Variants in ESRRG observed in about 807,000 individuals in gnomAD.
ESRRG encodes the protein estrogen-related receptor gamma.
ESRRG carries 13 observed loss-of-function variants against 44.0 expected under a neutral mutation model. That is an observed-to-expected ratio of 0.30 (90% CI 0.19 to 0.47). The LOEUF is 0.47. ESRRG is among the 20% of genes least tolerant of loss of function. ESRRG has a pLI of 1.00. For synonymous variants in ESRRG, 215 were observed against 214.6 expected (o/e 1.00, Z -0.02); for missense variants, 395 against 580.6 (o/e 0.68, Z 3.29).
intron 2 of ESRRG, among the ~76,000 whole-genome samples, chr1:216,767,278 C>T (rs1387081783): frequency 1.3e-5 from 2 of 152,006 alleles, no homozygotes; most frequent in South Asian, 2.1e-4. Context: ...AACACACACA[C>T]ACACACGCAA....
chr1:216,723,594 G>A (rs1559414802), upstream of ESRRG: 1 of 411,934 alleles, frequency 2.4e-6, no homozygotes, highest in Non-Finnish European at 4.3e-6. Context: ...GAGGAGCCAG[G>A]CAGGTAGGCA....
At chr1:216,936,639 CA>C (rs1202098817) in intron 2 of ESRRG, 3 of 151,698 alleles carry the variant, frequency 2.0e-5, no homozygotes, top group African/African-American at 7.3e-5. Flanking sequence ...ATTTAGAGAT[CA>C]AATTGTTTTA....
intron 1 of ESRRG, among the ~76,000 whole-genome samples, chr1:217,081,946 AT>A (rs1380598532): frequency 2.0e-5 from 3 of 152,062 alleles, no homozygotes; most frequent in East Asian, 3.9e-4. Flanking sequence ...TACTGAATAC[AT>A]TTTTTTTGTT....
At chr1:216,901,841 T>C (rs1222397792) in intron 2 of ESRRG, among the ~76,000 whole-genome samples, 1 of 152,070 alleles carries the variant, frequency 6.6e-6, no homozygotes, top group Non-Finnish European at 1.5e-5. Flanking sequence ...CTCATTGTAG[T>C]CTCCTGGCTC....
intron 3 of ESRRG, among the ~76,000 whole-genome samples, chr1:216,587,949 A>G (rs1392599834): frequency 1.3e-5 from 2 of 152,208 alleles, no homozygotes; most frequent in African/African-American, 4.8e-5. Context: ...TACATTAAAC[A>G]TCTTGTGAAA....
At chr1:216,557,729 T>C (rs928170990) in intron 5 of ESRRG, among the ~76,000 whole-genome samples, 6 of 152,172 alleles carry the variant, frequency 3.9e-5, no homozygotes, top group African/African-American at 1.2e-4. Context: ...ACCAAATAGA[T>C]TATCACAAAT....
chr1:216,508,408 A>T (rs910686406), intron 6 of ESRRG, among the ~76,000 whole-genome samples: 5 of 152,190 alleles, frequency 3.3e-5, no homozygotes, highest in East Asian at 1.9e-4. Flanking sequence ...TCTTTAAAAA[A>T]TTTTTGAATA....
chr1:217,075,682 C>T (rs1215260839), intron 1 of ESRRG, among the ~76,000 whole-genome samples: 4 of 150,358 alleles, frequency 2.7e-5, no homozygotes, highest in Admixed American at 6.6e-5. Context: ...CATGAGATCA[C>T]AGTATTAACC....
intron 1 of ESRRG, among the ~76,000 whole-genome samples, chr1:217,028,586 A>T (rs1184539426): frequency 1.3e-5 from 2 of 152,162 alleles, no homozygotes; most frequent in African/African-American, 4.8e-5. Context: ...TGTCTTTGGG[A>T]ATAGCACATT....
At chr1:216,826,230 C>A (rs941609873) in intron 2 of ESRRG, among the ~76,000 whole-genome samples, 4 of 149,856 alleles carry the variant, frequency 2.7e-5, no homozygotes, top group Non-Finnish European at 5.9e-5. Flanking sequence ...TAGGGACATA[C>A]GGACGGCATG....
At chr1:216,877,052 T>C (rs1559954791) in intron 2 of ESRRG, among the ~76,000 whole-genome samples, 1 of 149,514 alleles carries the variant, frequency 6.7e-6, no homozygotes, top group Non-Finnish European at 1.5e-5. Context: ...GTAAACAACA[T>C]TACCACAAAA....
At chr1:216,739,030 ATACT>A (rs2090335942) in intron 2 of ESRRG, among the ~76,000 whole-genome samples, 1 of 152,084 alleles carries the variant, frequency 6.6e-6, no homozygotes. Flanking sequence ...CTTATCCTTA[ATACT>A]TAGTTTACCT....
chr1:217,009,987 A>G (rs1259091352), intron 1 of ESRRG, among the ~76,000 whole-genome samples: 2 of 152,036 alleles, frequency 1.3e-5, no homozygotes, highest in Admixed American at 1.3e-4. Flanking sequence ...TACAAGTGTG[A>G]GCCACCGCGC....
At chr1:216,650,847 G>T (rs113016231) in intron 3 of ESRRG, 126 bp downstream of exon 3, 16 of 700,048 alleles carry the variant, frequency 2.3e-5, no homozygotes, top group African/African-American at 1.9e-4. Context: ...GGAGTATTCT[G>T]CCATCAGAGT....
At chr1:216,999,534 C>T (rs2076763965) in intron 1 of ESRRG, among the ~76,000 whole-genome samples, 1 of 152,078 alleles carries the variant, frequency 6.6e-6, no homozygotes, top group African/African-American at 2.4e-5. Context: ...GATTCAAGCC[C>T]ATCCCAGGTC....
intron 2 of ESRRG, among the ~76,000 whole-genome samples, chr1:216,865,657 A>G (rs1038770225): frequency 6.6e-6 from 1 of 152,224 alleles, no homozygotes; most frequent in Non-Finnish European, 1.5e-5. Flanking sequence ...TCCAATGCAC[A>G]TTAAAAATAT....
At chr1:216,847,390 A>C (rs564977438) in intron 2 of ESRRG, among the ~76,000 whole-genome samples, 1 of 152,316 alleles carries the variant, frequency 6.6e-6, no homozygotes, top group South Asian at 2.1e-4. Context: ...AAAGAATTTA[A>C]ATATGTTCTC....
chr1:217,135,527 C>CGCG (rs935042174), intron 1 of ESRRG, among the ~76,000 whole-genome samples: 37 of 151,368 alleles, frequency 2.4e-4, no homozygotes, highest in South Asian at 4.2e-4. Flanking sequence ...GGGGCGCGCG[C>CGCG]GCGGCGGCGG....
At chr1:216,638,924 T>C (rs2065844772) in intron 3 of ESRRG, among the ~76,000 whole-genome samples, 4 of 152,288 alleles carry the variant, frequency 2.6e-5, no homozygotes, top group Admixed American at 2.6e-4. Context: ...ATAGAAATAT[T>C]TACACAGATC....
Sources: allele counts gnomAD v4.1 joint callset (sites outside exome capture counted in the v4.1 genomes callset), GRCh38; gene constraint gnomAD v4.1.1; transcripts MANE v1.5; gene names NCBI Gene and HGNC (gene_info 2026-07-23, HGNC 2026-07-21).